Variants in URGCP observed in about 807,000 individuals in gnomAD.
The protein encoded by URGCP is upregulator of cell proliferation.
URGCP carries 13 observed loss-of-function variants against 24.6 expected under a neutral mutation model. That is an observed-to-expected ratio of 0.53 (90% CI 0.34 to 0.84). URGCP has a LOEUF of 0.84. Among genes scored for constraint, URGCP ranks in the 40% least tolerant of loss-of-function variants. The probability of loss-of-function intolerance (pLI) is 0.01; values close to 1 mark genes in which losing one functional copy is unlikely to be tolerated. For synonymous variants in URGCP, 444 were observed against 487.2 expected (o/e 0.91, Z 1.17); for missense variants, 899 against 1,194.3 (o/e 0.75, Z 3.64).
chr7:43,890,799 C>A (rs527733240), intron 1 of URGCP, among the ~76,000 whole-genome samples: 1 of 152,232 alleles, frequency 6.6e-6, no homozygotes, highest in Non-Finnish European at 1.5e-5. Flanking sequence ...CAGAAAGAAT[C>A]AAGCCCCTGA....
At chr7:43,903,969 A>G (rs1327430966) in intron 1 of URGCP, among the ~76,000 whole-genome samples, 1 of 152,202 alleles carries the variant, frequency 6.6e-6, no homozygotes, top group Non-Finnish European at 1.5e-5. Context: ...CAGCCAAGCA[A>G]GGGGCAAAGA....
chr7:43,891,327 G>C (rs2095870320), intron 1 of URGCP, among the ~76,000 whole-genome samples: 1 of 152,100 alleles, frequency 6.6e-6, no homozygotes, highest in African/African-American at 2.4e-5. Flanking sequence ...ACAAATACAG[G>C]TACAATTACT....
In URGCP at chr7:43,877,463, G is replaced by A. The variant is rs372757562; in HGVS notation, c.2000C>T (p.Thr667Met). 1.3e-5 allele frequency: 21 copies of A among 1,613,560 alleles called. No individual in the cohort carries two copies. Among genetic ancestry groups the A allele is most frequent in the African/African-American group, 8.0e-5 (6 of 74,938 alleles). Residue 667 changes from threonine (T) to methionine (M), a missense_variant, in exon 6 of 6, where the codon ACG becomes ATG. Coordinates refer to ENST00000453200, the MANE Select transcript of URGCP (RefSeq NM_001077663.3). ...GACCCAGCGGACGGGCATGCTCAGC[G>A]TGCTCCCATCGATTAGCTCCAGAGG... The part of the protein sequence containing the change: ...GLPLELIDGS[T>M]LSMPVRWVTG...
Position 43,918,278 on chromosome 7 carries a change from AAAAG to A in URGCP, c.-116+7850_-116+7853del, listed in dbSNP as rs1334403973. 2.0e-5 allele frequency among the ~76,000 whole-genome samples: 3 copies of A among 151,282 alleles called. No individual in the cohort carries two copies. In the South Asian group the frequency reaches 6.2e-4, roughly 31 times the overall value. ...AATAGACCTCAAAAAAAAAAAAAAAAAAAGAAAGAAAAAAAGGATTTCCTTTCCC... is the reference window on the plus strand; with the variant it reads ...AATAGACCTCAAAAAAAAAAAAAAAAAAAGAAAAAAAGGATTTCCTTTCCC... On this transcript the variant is annotated intron_variant, in intron 1 of 5. Transcript: ENST00000426198.
chr7:43,901,955 T>A (rs2095891501), intron 1 of URGCP, among the ~76,000 whole-genome samples: 1 of 152,126 alleles, frequency 6.6e-6, no homozygotes. Flanking sequence ...GAGATGTTCC[T>A]GAGAGGAGCA....
chr7:43,902,246 C>T (rs2095892418), intron 1 of URGCP, among the ~76,000 whole-genome samples: 1 of 152,128 alleles, frequency 6.6e-6, no homozygotes, highest in Non-Finnish European at 1.5e-5. Context: ...ACTCAGTCCA[C>T]AGAGGAACAA....
chr7:43,912,655 G>T (rs2095911216), intron 1 of URGCP, among the ~76,000 whole-genome samples: 1 of 152,026 alleles, frequency 6.6e-6, no homozygotes, highest in African/African-American at 2.4e-5. Context: ...GATCACTTGG[G>T]GTAATAGTGA....
chr7:43,918,882 C>T (rs557148232), intron 1 of URGCP: 26 of 1,407,036 alleles, frequency 1.8e-5, no homozygotes, highest in East Asian at 6.8e-5. Flanking sequence ...CTACATCCCC[C>T]GGGCTGTGCT....
intron 5 of URGCP, chr7:43,881,394 C>G (rs1232105229): frequency 3.3e-6 from 2 of 612,074 alleles, no homozygotes; most frequent in Non-Finnish European, 2.9e-6. Flanking sequence ...TCCAAACATG[C>G]TAACTTATTA....
chr7:43,926,574 C>G, upstream of URGCP: 1 of 1,566,888 alleles, frequency 6.4e-7, no homozygotes, highest in South Asian at 1.2e-5. Context: ...CTTTCCCACC[C>G]TCCAACTCTT....
intron 3 of URGCP, among the ~76,000 whole-genome samples, chr7:43,886,567 A>G (rs1393328670): frequency 1.3e-5 from 2 of 152,178 alleles, no homozygotes; most frequent in Non-Finnish European, 2.9e-5. Context: ...AGCCTGGCCA[A>G]CATGGTGAAA....
upstream of URGCP, among the ~76,000 whole-genome samples, chr7:43,910,570 A>G (rs1186739643): frequency 6.6e-6 from 1 of 151,508 alleles, no homozygotes; most frequent in Non-Finnish European, 1.5e-5. Flanking sequence ...TTTTTTTCAA[A>G]AAGTCCTGAC....
chr7:43,925,776 A>G (rs1481917179), intron 1 of URGCP, among the ~76,000 whole-genome samples: 1 of 137,902 alleles, frequency 7.3e-6, no homozygotes, highest in African/African-American at 2.7e-5. Context: ...CTGGGATTAT[A>G]GGCGTGAGCC....
intron 1 of URGCP, among the ~76,000 whole-genome samples, chr7:43,892,661 C>A (rs1481033875): frequency 6.6e-6 from 1 of 152,090 alleles, no homozygotes; most frequent in African/African-American, 2.4e-5. Context: ...AGAAATCACA[C>A]CCTATCTCCA....
chr7:43,913,751 T>C (rs2095912694), intron 1 of URGCP, among the ~76,000 whole-genome samples: 1 of 152,154 alleles, frequency 6.6e-6, no homozygotes, highest in Non-Finnish European at 1.5e-5. Context: ...CAGGCTGGAG[T>C]GCAGTGGCAT....
chr7:43,886,080 T>A (rs1291552708), intron 3 of URGCP, among the ~76,000 whole-genome samples: 1 of 152,206 alleles, frequency 6.6e-6, no homozygotes, highest in African/African-American at 2.4e-5. Context: ...TTACTATTGT[T>A]TACAATATCG....
intron 1 of URGCP, among the ~76,000 whole-genome samples, chr7:43,903,161 G>GA (rs1017137898): frequency 1.3e-5 from 2 of 150,344 alleles, no homozygotes; most frequent in African/African-American, 2.4e-5. Context: ...GAGAAAGAGA[G>GA]AAAAAAAATG....
At chr7:43,886,624 A>C (rs1298349088) in intron 3 of URGCP, among the ~76,000 whole-genome samples, 1 of 152,120 alleles carries the variant, frequency 6.6e-6, no homozygotes, top group Non-Finnish European at 1.5e-5. Context: ...ATGGTGGCGC[A>C]TGCCTGTAAT....
intron 1 of URGCP, among the ~76,000 whole-genome samples, chr7:43,917,506 T>C (rs1433021781): frequency 6.6e-6 from 1 of 152,188 alleles, no homozygotes; most frequent in African/African-American, 2.4e-5. Context: ...AGTGCTTTGT[T>C]TTAGCTTCTG....
Sources: allele counts gnomAD v4.1 joint callset (sites outside exome capture counted in the v4.1 genomes callset), GRCh38; gene constraint gnomAD v4.1.1; transcripts MANE v1.5; gene names NCBI Gene and HGNC (gene_info 2026-07-23, HGNC 2026-07-21).